OR4E2: variants seen among roughly 807,000 people sequenced by gnomAD.
The protein encoded by OR4E2 is olfactory receptor family 4 subfamily E member 2, also known as olfactory receptor 4E2.
A neutral mutation model predicts 11.0 loss-of-function variants in OR4E2; 9 were observed. That is an observed-to-expected ratio of 0.82 (90% CI 0.49 to 1.43). OR4E2 has a LOEUF of 1.43. Among genes scored for constraint, OR4E2 ranks in the 40% most tolerant of loss-of-function variants. The probability of loss-of-function intolerance (pLI) is 0.00; values close to 1 mark genes in which losing one functional copy is unlikely to be tolerated. For missense variants in OR4E2, 441 were observed against 382.0 expected (o/e 1.15, Z -1.29); for synonymous variants, 159 against 147.3 (o/e 1.08, Z -0.57).
At position 21,653,918 on chromosome 14, in the gene OR4E2, TAGAGGAGATAC is replaced by T. The variant is rs2139791432; in HGVS notation, c.-207_-197del. On this transcript the variant is annotated 5_prime_UTR_variant, in exon 1 of 4. An upstream open reading frame in the 5' UTR gains an earlier in-frame stop. Transcript: ENST00000641524. ...GGGTATCAGAGGCGAATGGAATCAT[TAGAGGAGATAC>T]AGAGTAGATGGTAAGTGTGTGATAT... 1 of 152,322 alleles carries T rather than the reference TAGAGGAGATAC, an allele frequency of 6.6e-6. No homozygotes were observed. Among genetic ancestry groups the T allele is most frequent in the East Asian group, 1.9e-4 (1 of 5,188 alleles). 9.4% of individuals were successfully genotyped at this position (152,322 alleles called of 1,614,324 possible).
chr14:21,659,190 C>A (rs1880178934), intron 2 of OR4E2, among the ~76,000 whole-genome samples: 1 of 151,904 alleles, frequency 6.6e-6, no homozygotes, highest in Non-Finnish European at 1.5e-5. Context: ...CATGTGCCAC[C>A]ACACTCAGCT....
At chr14:21,657,709 G>A (rs527478110) in intron 2 of OR4E2, among the ~76,000 whole-genome samples, 52 of 151,580 alleles carry the variant, frequency 3.4e-4, no homozygotes, top group Non-Finnish European at 6.6e-4. Context: ...TCCTGCCTCA[G>A]CCTCCCAAGT....
At position 21,653,888 on chromosome 14, in the gene OR4E2, T is replaced by A. The variant is rs892073295; in HGVS notation, c.-242T>A. ...CATGATTTTATATCCTAGGCTTCTA[T>A]AATAGGGTATCAGAGGCGAATGGAA... is the stretch of plus-strand genomic sequence containing the variant. On this transcript the variant is annotated 5_prime_UTR_variant, in exon 1 of 4. It removes the in-frame stop codon of an upstream open reading frame in the 5' UTR. Transcript: ENST00000641524. 1 of 152,190 alleles carries A rather than the reference T, an allele frequency of 6.6e-6. No homozygotes were observed. The highest frequency in any genetic ancestry group is 1.5e-5 in the Non-Finnish European group (1 of 68,034). 9.4% of individuals were successfully genotyped at this position (152,190 alleles called of 1,614,324 possible).
intron 3 of OR4E2, among the ~76,000 whole-genome samples, chr14:21,664,189 C>T (rs555323864): frequency 6.6e-6 from 1 of 152,186 alleles, no homozygotes; most frequent in African/African-American, 2.4e-5. Flanking sequence ...CTGTCTTCCA[C>T]AATGGTTGAA....
intron 2 of OR4E2, among the ~76,000 whole-genome samples, chr14:21,657,383 TTC>T (rs1428785677): frequency 4.8e-4 from 69 of 142,700 alleles, no homozygotes; most frequent in African/African-American, 1.4e-3. Context: ...CCTTCCTTCC[TTC>T]CTTTCTTTCT....
At chr14:21,660,602 C>T (rs1270426667) in intron 2 of OR4E2, 51 bp from the exon 3 acceptor site, 8 of 150,184 alleles carry the variant, frequency 5.3e-5, no homozygotes, top group Middle Eastern at 3.2e-3. Context: ...CGAAAGTCTT[C>T]GAATTAGTGA....
At chr14:21,662,860 G>A (rs1365176233) in intron 3 of OR4E2, among the ~76,000 whole-genome samples, 4 of 152,072 alleles carry the variant, frequency 2.6e-5, no homozygotes, top group Non-Finnish European at 4.4e-5. Flanking sequence ...ATGCTTACAA[G>A]TGAAATAATT....
At chr14:21,663,858 G>A (rs951525590) in intron 3 of OR4E2, among the ~76,000 whole-genome samples, 1 of 152,094 alleles carries the variant, frequency 6.6e-6, no homozygotes. Flanking sequence ...GTGATGTTTG[G>A]TTTTCTGTTC....
intron 1 of OR4E2, among the ~76,000 whole-genome samples, chr14:21,654,397 C>T (rs550611362): frequency 6.3e-4 from 95 of 149,762 alleles, no homozygotes; most frequent in Middle Eastern, 3.5e-3. Context: ...CACACACACA[C>T]GCATGCACAC....
chr14:21,662,799 A>C (rs1045867029), intron 3 of OR4E2, among the ~76,000 whole-genome samples: 4 of 152,140 alleles, frequency 2.6e-5, no homozygotes, highest in African/African-American at 9.7e-5. Flanking sequence ...CGTTATTTTA[A>C]ATAATACTAT....
chr14:21,656,788 C>A (rs1879974124), intron 2 of OR4E2, among the ~76,000 whole-genome samples, 199 bp downstream of exon 2: 1 of 152,154 alleles, frequency 6.6e-6, no homozygotes, highest in Admixed American at 6.5e-5. Flanking sequence ...AATCAGAATA[C>A]TTTTTTAACA....
In OR4E2 at chr14:21,665,920, C is replaced by A. The variant is rs374437797; in HGVS notation, c.838C>A (p.Pro280Thr). 1.9e-6 allele frequency: 3 copies of A among 1,613,238 alleles called. No individual in the cohort carries two copies. Among genetic ancestry groups the A allele is most frequent in the South Asian group, 1.1e-5 (1 of 90,880 alleles). Residue 280 changes from proline (P) to threonine (T), a missense_variant, in exon 4 of 4, where the codon CCT (proline) becomes ACT (threonine). Transcript: ENST00000641524. ...VVSVFYTVVT[P>T]LLNPFIYTLR... ...GTCTGTCTTCTACACAGTGGTCACC[C>A]CTTTGCTGAATCCCTTCATTTACAC...
rs1880695599 is a variant in OR4E2, at chr14:21,667,223, A to C, written c.*1199A>C. On this transcript the variant is annotated 3_prime_UTR_variant, in exon 4 of 4. Coordinates refer to ENST00000641524, the MANE Select transcript of OR4E2 (RefSeq NM_001001912.3). ...TATGTTTCTTTGCTTATTCTGAAAA[A>C]AATTTATAATTGATTGGGGTCTTTG... is the stretch of plus-strand genomic sequence containing the variant. 6.6e-6 allele frequency: 1 copy of C among 152,168 alleles called. No homozygotes were observed. Among genetic ancestry groups the C allele is most frequent in the Non-Finnish European group, 1.5e-5 (1 of 68,028 alleles). The allele number at this position is 152,168 out of a possible 1,614,324, so 9.4% of individuals were successfully genotyped here. A position where few individuals can be genotyped will look rare whatever the true frequency, so the allele number is the denominator to read the frequency against.
chr14:21,664,136 T>C (rs1026618078), intron 3 of OR4E2, among the ~76,000 whole-genome samples: 4 of 152,334 alleles, frequency 2.6e-5, no homozygotes, highest in Middle Eastern at 3.4e-3. Flanking sequence ...GATTGCTGGG[T>C]CAAATGGTAT....
chr14:21,665,739 G>A lies in OR4E2; in HGVS notation c.657G>A (p.Met219Ile). The A allele has an allele frequency of 6.2e-7, 1 of 1,614,052 alleles. No homozygotes were observed. Among genetic ancestry groups the A allele is most frequent in the Non-Finnish European group, 8.5e-7 (1 of 1,179,988 alleles). The change falls in exon 4 of 4, where the codon ATG becomes ATA. Residue 219 changes from methionine to isoleucine, a missense_variant. Met to Ile is a conservative substitution (Grantham distance 10). Coordinates refer to ENST00000641524, the MANE Select transcript of OR4E2 (RefSeq NM_001001912.3). ...SCFLAVVTSY[M>I]VILVSLRKHS... ...TCTTGGCCGTGGTCACCTCCTATAT[G>A]GTCATCCTGGTTTCTCTTCGAAAAC...
chr14:21,660,240 G>A (rs1357584870), intron 2 of OR4E2, among the ~76,000 whole-genome samples: 3 of 152,216 alleles, frequency 2.0e-5, no homozygotes, highest in Non-Finnish European at 4.4e-5. Context: ...GTTTGCGATT[G>A]AGGATTTAAT....
intron 2 of OR4E2, among the ~76,000 whole-genome samples, chr14:21,657,443 CCTTCCTT>C (rs1880048273): frequency 3.4e-4 from 1 of 2,978 alleles, no homozygotes; most frequent in South Asian, 0.024. Flanking sequence ...TTCTTTCTTT[CCTTCCTT>C]CCTTCCTTCC....
chr14:21,665,470 C>A lies in OR4E2; in HGVS notation c.388C>A (p.Leu130Ile). The change falls in exon 4 of 4, where the codon CTC (leucine) becomes ATC (isoleucine). Residue 130 changes from leucine (L) to isoleucine (I), a missense_variant. By Grantham distance (5) the Leu-to-Ile change is conservative. Coordinates refer to ENST00000641524, the MANE Select transcript of OR4E2 (RefSeq NM_001001912.3). ...YDRYVAICTP[L>I]HYPNVMNMRV... ...TCGTTACGTGGCTATCTGCACTCCA[C>A]TCCACTACCCCAATGTGATGAACAT... The A allele has an allele frequency of 6.2e-7, 1 of 1,614,156 alleles. No individual in the cohort carries two copies. The highest frequency in any genetic ancestry group is 8.5e-7 in the Non-Finnish European group (1 of 1,180,022).
At chr14:21,662,129 G>C (rs539823119) in intron 3 of OR4E2, among the ~76,000 whole-genome samples, 2 of 80,804 alleles carry the variant, frequency 2.5e-5, no homozygotes, top group East Asian at 5.4e-4. Context: ...TTCTTTTTCT[G>C]TGACTTAAGT....
Sources: allele counts gnomAD v4.1 joint callset (sites outside exome capture counted in the v4.1 genomes callset), GRCh38; gene constraint gnomAD v4.1.1; transcripts MANE v1.5; gene names NCBI Gene and HGNC (gene_info 2026-07-23, HGNC 2026-07-21).